PLXDC2: variants seen among roughly 807,000 people sequenced by gnomAD.
The protein encoded by PLXDC2 is plexin domain containing 2.
In PLXDC2, 40 loss-of-function variants were observed where a neutral mutation model predicts 68.9. The ratio of observed to expected loss-of-function variants is 0.58; its 90% CI spans 0.45 to 0.76. PLXDC2 has a LOEUF of 0.76. Ranked by LOEUF, PLXDC2 falls within the 30% of genes least tolerant of loss-of-function variation. The pLI is 0.00. For synonymous variants in PLXDC2, 243 were observed against 234.2 expected, an observed-to-expected ratio of 1.04 and a Z score of -0.34; for missense variants, 644 against 661.9, an observed-to-expected ratio of 0.97 and a Z score of 0.30.
chr10:20,111,952 G>A (rs1454439370), intron 4 of PLXDC2, among the ~76,000 whole-genome samples: 1 of 152,160 alleles, frequency 6.6e-6, no homozygotes, highest in Non-Finnish European at 1.5e-5. Context: ...GGTAATTAGG[G>A]TTATACGAAT....
intron 1 of PLXDC2, among the ~76,000 whole-genome samples, chr10:19,932,283 C>T (rs1473235471): frequency 1.3e-5 from 2 of 151,934 alleles, no homozygotes; most frequent in African/African-American, 4.8e-5. Flanking sequence ...ATTTTTTTCT[C>T]ATCCTTCTCC....
chr10:20,215,767 T>C (rs967706000), intron 10 of PLXDC2, among the ~76,000 whole-genome samples: 3 of 152,136 alleles, frequency 2.0e-5, no homozygotes, highest in African/African-American at 4.8e-5. Flanking sequence ...CAAGTAAGTA[T>C]GCTGATTCAC....
chr10:19,819,631 C>G (rs923623981), intron 1 of PLXDC2, among the ~76,000 whole-genome samples: 1 of 152,140 alleles, frequency 6.6e-6, no homozygotes, highest in African/African-American at 2.4e-5. Context: ...ATTTCATTGC[C>G]ACCAGAGGGC....
At chr10:20,149,734 C>A (rs907138249) in intron 6 of PLXDC2, among the ~76,000 whole-genome samples, 1 of 152,120 alleles carries the variant, frequency 6.6e-6, no homozygotes, top group African/African-American at 2.4e-5. Flanking sequence ...ATCCAGGTCC[C>A]TACAGAAGAC....
intron 3 of PLXDC2, among the ~76,000 whole-genome samples, chr10:20,066,033 G>A (rs1836204731): frequency 6.6e-6 from 1 of 152,238 alleles, no homozygotes; most frequent in Non-Finnish European, 1.5e-5. Flanking sequence ...TTGGAGAAGA[G>A]TATCAGTAGC....
intron 2 of PLXDC2, among the ~76,000 whole-genome samples, chr10:20,044,207 C>CTCTGTCTT (rs1189899769): frequency 2.2e-5 from 2 of 89,958 alleles, no homozygotes; most frequent in South Asian, 9.1e-4. Flanking sequence ...CTCTCTCTCT[C>CTCTGTCTT]TCTGTCTTTC....
intron 1 of PLXDC2, among the ~76,000 whole-genome samples, chr10:19,937,179 A>G (rs1833738867): frequency 6.6e-6 from 1 of 152,106 alleles, no homozygotes; most frequent in African/African-American, 2.4e-5. Context: ...ATGTTTTTCA[A>G]AGTGTTACAT....
chr10:20,286,287 A>C lies in PLXDC2; in HGVS notation c.*6468A>C, dbSNP rs1836151863. ...GAAAAAAAATTAAATGTAAGTCATA[A>C]ACTAGTACTCAGCTTTTCCTAGTTT... On this transcript the variant is annotated 3_prime_UTR_variant, in exon 14 of 14. Transcript: ENST00000377252. 6.6e-6 allele frequency: 1 copy of C among 152,206 alleles called. No homozygotes were observed. Among genetic ancestry groups the C allele is most frequent in the African/African-American group, 2.4e-5 (1 of 41,456 alleles). 9.4% of individuals were successfully genotyped at this position (152,206 alleles called of 1,614,324 possible). A position where few individuals can be genotyped will look rare whatever the true frequency, so the allele number is the denominator to read the frequency against.
At chr10:20,074,690 CTT>C (rs1836408690) in intron 4 of PLXDC2, among the ~76,000 whole-genome samples, 1 of 152,194 alleles carries the variant, frequency 6.6e-6, no homozygotes, top group East Asian at 1.9e-4. Flanking sequence ...TTTATAGGGA[CTT>C]GATTAATAAC....
chr10:20,043,189 G>A (rs1362330783), intron 2 of PLXDC2: 2 of 152,110 alleles, frequency 1.3e-5, no homozygotes, highest in African/African-American at 4.8e-5. Context: ...ATTTAATAAT[G>A]TGTGTCTCTG....
chr10:19,863,174 G>T (rs1428569405), intron 1 of PLXDC2, among the ~76,000 whole-genome samples: 1 of 152,166 alleles, frequency 6.6e-6, no homozygotes, highest in African/African-American at 2.4e-5. Context: ...CTAAGGATGT[G>T]AATATTGTGC....
At chr10:20,000,896 G>A (rs1834924928) in intron 1 of PLXDC2, among the ~76,000 whole-genome samples, 1 of 152,178 alleles carries the variant, frequency 6.6e-6, no homozygotes, top group South Asian at 2.1e-4. Context: ...GGCTGTTCTT[G>A]TTCAGAAACT....
At position 20,281,506 on chromosome 10, in the gene PLXDC2, G is replaced by C. The variant is rs1836081676; in HGVS notation, c.*1687G>C. The C allele has an allele frequency of 6.6e-6, 1 of 152,062 alleles. No individual in the cohort carries two copies. The highest frequency in any genetic ancestry group is 2.4e-5 in the African/African-American group (1 of 41,400). 9.4% of individuals were successfully genotyped at this position (152,062 alleles called of 1,614,324 possible). Reference sequence around the variant, plus strand: ...TTTAGCATCTGTACACATCTGCCTTGGTCATCAGTCCACTCACAGAGTACC... The same window carrying C: ...TTTAGCATCTGTACACATCTGCCTTCGTCATCAGTCCACTCACAGAGTACC... On this transcript the variant is annotated 3_prime_UTR_variant, in exon 14 of 14. Transcript: ENST00000377252.
intron 1 of PLXDC2, among the ~76,000 whole-genome samples, chr10:19,954,891 C>G (rs1047563401): frequency 3.3e-5 from 5 of 152,110 alleles, no homozygotes; most frequent in African/African-American, 9.7e-5. Flanking sequence ...CTTGCCCCCC[C>G]ATCCCTGTCG....
chr10:20,100,973 A>G (rs996767829), intron 4 of PLXDC2, among the ~76,000 whole-genome samples: 3 of 152,138 alleles, frequency 2.0e-5, no homozygotes, highest in Admixed American at 2.0e-4. Context: ...GTTCTCACTT[A>G]CTAGTTTGGT....
chr10:19,968,744 C>A (rs1446580145), intron 1 of PLXDC2, among the ~76,000 whole-genome samples: 2 of 152,094 alleles, frequency 1.3e-5, no homozygotes, highest in Non-Finnish European at 2.9e-5. Flanking sequence ...TAAATAGTAG[C>A]AGGATATAGA....
At chr10:20,129,488 T>C (rs1049728727) in intron 4 of PLXDC2, among the ~76,000 whole-genome samples, 1 of 133,686 alleles carries the variant, frequency 7.5e-6, no homozygotes, top group Non-Finnish European at 1.8e-5. Flanking sequence ...TTTGTCCATT[T>C]GTGTTTTGTT....
intron 1 of PLXDC2, among the ~76,000 whole-genome samples, chr10:19,912,750 GATAA>G: frequency 6.6e-6 from 1 of 152,132 alleles, no homozygotes; most frequent in East Asian, 1.9e-4. Context: ...CATAAAAATT[GATAA>G]ATGACAACAA....
chr10:20,274,486 C>T lies in PLXDC2; in HGVS notation c.1474-5217C>T, dbSNP rs372985227. Among the ~76,000 whole-genome samples, 64 of 152,210 alleles carry T rather than the reference C, an allele frequency of 4.2e-4. No individual in the cohort carries two copies. In the East Asian group the frequency reaches 6.6e-3, roughly 16 times the overall value. Reference sequence around the variant, plus strand: ...CCATAAGACAGTTCTAGAATGAAGGCAACATATCAACGACAGGTAGTAACG... The same window carrying T: ...CCATAAGACAGTTCTAGAATGAAGGTAACATATCAACGACAGGTAGTAACG... On this transcript the variant is annotated intron_variant, in intron 13 of 13. Transcript: ENST00000377252.
Sources: gnomAD v4.1 joint callset for allele counts (sites outside exome capture counted in the v4.1 genomes callset) on GRCh38, gnomAD v4.1.1 for gene constraint, MANE v1.5 for transcripts, NCBI Gene and HGNC (gene_info 2026-07-23, HGNC 2026-07-21) for gene names.